Variants in RNF38 observed in about 807,000 individuals in gnomAD.
The protein encoded by RNF38 is E3 ubiquitin-protein ligase RNF38.
A neutral mutation model predicts 67.2 loss-of-function variants in RNF38; 15 were observed. The observed-to-expected ratio is 0.22, with a 90% CI of 0.15 to 0.34. RNF38 has a LOEUF of 0.34. Among genes scored for constraint, RNF38 ranks in the 10% least tolerant of loss-of-function variants. RNF38 has a pLI of 1.00. For synonymous variants in RNF38, 220 were observed against 218.8 expected (o/e 1.01, Z -0.05); for missense variants, 524 against 639.9 (o/e 0.82, Z 1.95).
At chr9:36,348,427 C>T (rs954302217) in intron 9 of RNF38, among the ~76,000 whole-genome samples, 2 of 151,622 alleles carry the variant, frequency 1.3e-5, no homozygotes, top group Admixed American at 6.6e-5. Flanking sequence ...GAGCGGAGTT[C>T]GTGGCAATAC....
intron 2 of RNF38, among the ~76,000 whole-genome samples, chr9:36,380,081 G>A (rs541854981): frequency 6.6e-6 from 1 of 152,168 alleles, no homozygotes. Flanking sequence ...TGTAGTTACA[G>A]AACAGAATGG....
intron 1 of RNF38, among the ~76,000 whole-genome samples, chr9:36,396,218 T>C (rs2134088431): frequency 6.6e-6 from 1 of 152,344 alleles, no homozygotes; most frequent in South Asian, 2.1e-4. Flanking sequence ...GCCTTTCTGA[T>C]TTGTGTAACA....
At chr9:36,406,001 T>C (rs987877629), upstream of RNF38, among the ~76,000 whole-genome samples, 34 of 152,228 alleles carry the variant, frequency 2.2e-4, no homozygotes, top group African/African-American at 8.0e-4. Context: ...TACAAAAAAG[T>C]TGACTATGAG....
At chr9:36,415,086 G>C (rs1587633250) in intron 2 of RNF38, among the ~76,000 whole-genome samples, 1 of 152,258 alleles carries the variant, frequency 6.6e-6, no homozygotes, top group Non-Finnish European at 1.5e-5. Flanking sequence ...TGGATGTATA[G>C]ATCTCTAGCA....
At chr9:36,436,862 T>C (rs1192044570) in intron 1 of RNF38, among the ~76,000 whole-genome samples, 1 of 147,138 alleles carries the variant, frequency 6.8e-6, no homozygotes, top group Non-Finnish European at 1.5e-5. Flanking sequence ...AAGTATAATA[T>C]AAAATGGATA....
chr9:36,455,937 T>C (rs1169793650), intron 1 of RNF38, among the ~76,000 whole-genome samples: 1 of 150,450 alleles, frequency 6.6e-6, no homozygotes. Context: ...AGTGCACTAA[T>C]TTAACTTAAT....
chr9:36,373,180 C>G (rs1200682209), intron 3 of RNF38, among the ~76,000 whole-genome samples: 1 of 152,118 alleles, frequency 6.6e-6, no homozygotes, highest in African/African-American at 2.4e-5. Flanking sequence ...GCACTCCAGC[C>G]TGGGCAACAA....
rs564876394 is a variant in RNF38 at position 36,389,543 on chromosome 9, G to C, written c.162+924C>G. ...ACATCTTAAAAACTATCAATGACTA[G>C]TTTATTGTGAGGGCTAAAAACAAAA... is the stretch of plus-strand genomic sequence containing the variant. On this transcript the variant is annotated intron_variant, in intron 2 of 11. Coordinates refer to ENST00000259605, the MANE Select transcript of RNF38 (RefSeq NM_022781.5). Among the ~76,000 whole-genome samples the C allele has an allele frequency of 5.3e-5, 8 of 152,172 alleles. No individual in the cohort carries two copies. In the South Asian group the frequency reaches 1.7e-3, roughly 32 times the overall value.
chr9:36,463,830 G>A (rs1479280446), intron 1 of RNF38, among the ~76,000 whole-genome samples: 1 of 152,092 alleles, frequency 6.6e-6, no homozygotes, highest in Admixed American at 6.6e-5. Flanking sequence ...AAACTCCCTA[G>A]CTCACACTTA....
intron 2 of RNF38, among the ~76,000 whole-genome samples, chr9:36,408,746 CCAGA>C: frequency 6.6e-6 from 1 of 152,054 alleles, no homozygotes; most frequent in East Asian, 1.9e-4. Flanking sequence ...GAGAGGAAAG[CCAGA>C]CAAACTGTTC....
At chr9:36,386,094 T>C (rs1461824296) in intron 2 of RNF38, among the ~76,000 whole-genome samples, 1 of 152,196 alleles carries the variant, frequency 6.6e-6, no homozygotes, top group Non-Finnish European at 1.5e-5. Context: ...ATGGTTCCCA[T>C]TTTGAGTAAT....
intron 11 of RNF38, 143 bp downstream of exon 11, chr9:36,342,182 T>TCTC (rs977325957): frequency 7.8e-6 from 3 of 384,620 alleles, no homozygotes; most frequent in African/African-American, 6.4e-5. Flanking sequence ...TTACTGGCCT[T>TCTC]TTCTCATTTG....
chr9:36,435,106 T>C (rs1034701139), intron 1 of RNF38, among the ~76,000 whole-genome samples: 1 of 151,978 alleles, frequency 6.6e-6, no homozygotes, highest in Non-Finnish European at 1.5e-5. Context: ...TGGAAAAAAG[T>C]GGGGACTGGC....
chr9:36,408,934 AC>A (rs1302650165), intron 2 of RNF38, among the ~76,000 whole-genome samples: 1 of 152,162 alleles, frequency 6.6e-6, no homozygotes, highest in Non-Finnish European at 1.5e-5. Flanking sequence ...CCTCTGTAAT[AC>A]CAGCACTTTG....
chr9:36,442,502 C>T (rs951885844), intron 1 of RNF38, among the ~76,000 whole-genome samples: 3 of 152,188 alleles, frequency 2.0e-5, no homozygotes, highest in African/African-American at 7.2e-5. Context: ...AAGACACCTG[C>T]CAGGCGCAGT....
At chr9:36,424,110 T>C (rs983378156) in intron 2 of RNF38, among the ~76,000 whole-genome samples, 8 of 152,234 alleles carry the variant, frequency 5.3e-5, no homozygotes, top group Admixed American at 4.6e-4. Context: ...TTCTTGTGTA[T>C]GAACCAGATC....
intron 2 of RNF38, among the ~76,000 whole-genome samples, chr9:36,411,539 AACAAAATGTGATGTATATT>A (rs1264787951): frequency 4.6e-5 from 7 of 152,178 alleles, no homozygotes; most frequent in Admixed American, 6.6e-5. Context: ...ATGATGAATA[AACAAAATGTGATGTATATT>A]ACAATGACAT....
intron 1 of RNF38, among the ~76,000 whole-genome samples, chr9:36,441,533 T>C (rs922004195): frequency 6.6e-6 from 1 of 152,102 alleles, no homozygotes; most frequent in African/African-American, 2.4e-5. Flanking sequence ...CCACACTGGC[T>C]GGGCTGGTCT....
At chr9:36,372,374 A>G (rs1266733873) in intron 3 of RNF38, 3 of 566,186 alleles carry the variant, frequency 5.3e-6, no homozygotes, top group Middle Eastern at 5.5e-4. Flanking sequence ...TGTTTCTTGA[A>G]GTTTATTGTT....
Sources: gnomAD v4.1 joint callset for allele counts (sites outside exome capture counted in the v4.1 genomes callset) on GRCh38, gnomAD v4.1.1 for gene constraint, MANE v1.5 for transcripts, NCBI Gene and HGNC (gene_info 2026-07-23, HGNC 2026-07-21) for gene names.